The following BRSK2 variants were observed in gnomAD, a reference collection of about 807,000 sequenced individuals.
The protein encoded by BRSK2 is BR serine/threonine kinase 2.
BRSK2 carries 19 observed loss-of-function variants against 83.3 expected under a neutral mutation model. The observed-to-expected ratio is 0.23, with a 90% CI of 0.16 to 0.33. BRSK2 has a LOEUF of 0.33. Ranked by LOEUF, BRSK2 falls within the 10% of genes least tolerant of loss-of-function variation. The probability of loss-of-function intolerance (pLI) is 1.00; values close to 1 mark genes in which losing one functional copy is unlikely to be tolerated. For synonymous variants in BRSK2, 519 were observed against 435.4 expected (o/e 1.19, Z -2.39); for missense variants, 798 against 1,042.3 (o/e 0.77, Z 3.23).
intron 1 of BRSK2, among the ~76,000 whole-genome samples, chr11:1,417,440 T>G (rs1266729668): frequency 4.6e-5 from 7 of 152,280 alleles, no homozygotes; most frequent in Non-Finnish European, 1.0e-4. Flanking sequence ...ATGTGTGATA[T>G]TATCTTATCC....
intron 1 of BRSK2, among the ~76,000 whole-genome samples, chr11:1,420,015 G>T (rs967356014): frequency 6.6e-6 from 1 of 152,252 alleles, no homozygotes; most frequent in African/African-American, 2.4e-5. Context: ...CGGGCACGTG[G>T]TCGTTCGTCT....
intron 8 of BRSK2, among the ~76,000 whole-genome samples, chr11:1,444,011 C>T (rs949650916): frequency 1.3e-5 from 2 of 151,804 alleles, no homozygotes; most frequent in Admixed American, 1.3e-4. Flanking sequence ...TGGGTGAGGG[C>T]GTAGGTGTGG....
intron 12 of BRSK2, chr11:1,447,906 A>C (rs1181733087): frequency 6.5e-7 from 1 of 1,549,384 alleles, no homozygotes; most frequent in South Asian, 1.1e-5. Context: ...CCAGCCCCAG[A>C]CACGCTGTCC....
intron 1 of BRSK2, chr11:1,409,327 T>G (rs755013944): frequency 6.6e-6 from 1 of 152,008 alleles, no homozygotes; most frequent in Non-Finnish European, 1.5e-5. Context: ...GCCGTGGGAG[T>G]GGAGCTCCTT....
chr11:1,433,224 C>T (rs911782357), intron 1 of BRSK2, among the ~76,000 whole-genome samples: 1 of 152,250 alleles, frequency 6.6e-6, no homozygotes, highest in African/African-American at 2.4e-5. Context: ...TTGGGGCCAT[C>T]TTTTGTGAAA....
chr11:1,403,748 G>T (rs1007639267), intron 1 of BRSK2, among the ~76,000 whole-genome samples: 5 of 152,198 alleles, frequency 3.3e-5, no homozygotes, highest in African/African-American at 1.2e-4. Flanking sequence ...TGAGACAGAA[G>T]TGGGCTCTGT....
chr11:1,460,263 AG>A (rs2133310195), intron 19 of BRSK2, among the ~76,000 whole-genome samples: 1 of 152,056 alleles, frequency 6.6e-6, no homozygotes, highest in South Asian at 2.1e-4. Context: ...CCCACCGCAC[AG>A]CCCCCAGCGT....
intron 1 of BRSK2, among the ~76,000 whole-genome samples, chr11:1,414,631 T>C (rs1379342045): frequency 1.3e-5 from 2 of 152,144 alleles, no homozygotes; most frequent in African/African-American, 4.8e-5. Flanking sequence ...TCACATAATA[T>C]AAAATTAACC....
Position 1,443,483 on chromosome 11 carries a change from C to T in BRSK2, c.634-6C>T, listed in dbSNP as rs1261161141. 3 of 1,587,884 alleles carry T rather than the reference C, an allele frequency of 1.9e-6. No homozygotes were observed. Among genetic ancestry groups the T allele is most frequent in the Admixed American group, 1.8e-5 (1 of 56,796 alleles). On this transcript the variant is annotated splice_region_variant and splice_polypyrimidine_tract_variant and intron_variant, in intron 7 of 19. Transcript: ENST00000528841. The stretch of plus-strand genomic sequence containing the variant: ...CACGCTGACCCCCACACCCGGCCGC[C>T]CGCAGGGGGCTCTGCCCTTCGACGA...
In BRSK2 at chr11:1,411,363, C is replaced by T. The variant is rs764810460; in HGVS notation, c.91+20988C>T. 6 of 1,450,746 alleles carry T rather than the reference C, an allele frequency of 4.1e-6. No homozygotes were observed. The Admixed American group carries it at 1.3e-4, about 32-fold the overall frequency. 89.9% of individuals were successfully genotyped at this position (1,450,746 alleles called of 1,614,324 possible). On this transcript the variant is annotated intron_variant, in intron 1 of 19. Coordinates refer to ENST00000528841, the MANE Select transcript of BRSK2 (RefSeq NM_001256627.2). ...GGGCACAGTTCTGCCCCATCTGGCC[C>T]TAGTTTGGGGAGGGAGCCTGGTAGG...
chr11:1,443,656 G>A (rs767033377), intron 8 of BRSK2, 21 bp downstream of exon 8: 2 of 1,556,188 alleles, frequency 1.3e-6, no homozygotes, highest in South Asian at 2.3e-5. Context: ...TCGGAGCGGG[G>A]CGGCCCCAGA....
intron 1 of BRSK2, among the ~76,000 whole-genome samples, chr11:1,412,024 C>T (rs1847573115): frequency 8.3e-6 from 1 of 119,936 alleles, no homozygotes; most frequent in Non-Finnish European, 1.8e-5. Flanking sequence ...AGCTGCGCCG[C>T]CCCGTCCTGC....
intron 18 of BRSK2, chr11:1,456,980 A>C: frequency 1.3e-6 from 2 of 1,597,362 alleles, no homozygotes; most frequent in Non-Finnish European, 1.7e-6. Flanking sequence ...CGCCAGGACT[A>C]AGCTGGGGTG....
At chr11:1,459,435 G>A (rs1590728443) in intron 19 of BRSK2, 196 bp downstream of exon 19, 2 of 631,212 alleles carry the variant, frequency 3.2e-6, no homozygotes, top group East Asian at 5.6e-5. Context: ...AGCAAGCCCA[G>A]GCGGGGTTCC....
intron 1 of BRSK2, among the ~76,000 whole-genome samples, chr11:1,400,203 G>C (rs1393520032): frequency 2.0e-5 from 3 of 152,214 alleles, no homozygotes; most frequent in Admixed American, 2.0e-4. Context: ...GAGTGGGCAG[G>C]CGCTGGGCTC....
chr11:1,413,027 T>G (rs919911743), intron 1 of BRSK2, among the ~76,000 whole-genome samples: 6 of 152,130 alleles, frequency 3.9e-5, no homozygotes, highest in African/African-American at 1.4e-4. Flanking sequence ...GGCCCTGGCC[T>G]CCTTCTTCCC....
chr11:1,401,561 C>T (rs1467899568), intron 1 of BRSK2, among the ~76,000 whole-genome samples: 2 of 152,224 alleles, frequency 1.3e-5, no homozygotes, highest in Non-Finnish European at 1.5e-5. Flanking sequence ...CTGCAGGCTG[C>T]ACTGAGCCCC....
rs1363461485 is a variant in BRSK2, at chr11:1,443,360, C to T, written c.590C>T (p.Ala197Val). The change falls in exon 7 of 20, where the codon GCG (alanine) becomes GTG (valine). Residue 197 changes from alanine to valine, a missense_variant. This residue lies in a region of BRSK2 where 109 missense variants were observed against 259.2 expected (regional missense o/e 0.42). Transcript: ENST00000528841. ...GGGGAGAAGTATGACGGCCGGAAGG[C>T]GGACGTGTGGAGCTGCGGCGTCATC... ...IRGEKYDGRK[A>V]DVWSCGVILF... The T allele has an allele frequency of 6.2e-7, 1 of 1,608,418 alleles. No homozygotes were observed. The highest frequency in any genetic ancestry group is 1.7e-5 in the Admixed American group (1 of 59,700).
At chr11:1,451,451 C>T (rs746086870) in intron 15 of BRSK2, 32 bp downstream of exon 15, 2 of 1,606,710 alleles carry the variant, frequency 1.2e-6, no homozygotes, top group South Asian at 1.1e-5. Flanking sequence ...CCTCCTGGTA[C>T]CTGACACCAG....
Sources: gnomAD v4.1 joint callset for allele counts (sites outside exome capture counted in the v4.1 genomes callset) on GRCh38, gnomAD v4.1.1 for gene constraint, gnomAD v4.1.1 regional missense constraint, MANE v1.5 for transcripts, NCBI Gene and HGNC (gene_info 2026-07-23, HGNC 2026-07-21) for gene names.